Variants in ZCCHC7 observed in about 807,000 individuals in gnomAD.
ZCCHC7 encodes zinc finger CCHC-type containing 7.
Under a neutral mutation model 52.0 loss-of-function variants are expected in ZCCHC7, and 35 were observed. That is an observed-to-expected ratio of 0.67 (90% CI 0.51 to 0.89). The LOEUF (loss-of-function observed/expected upper bound fraction) is 0.89, where lower values mean the gene tolerates loss of function less well. Ranked by LOEUF, ZCCHC7 falls within the 40% of genes least tolerant of loss-of-function variation. The probability of loss-of-function intolerance (pLI) is 0.00; values close to 1 mark genes in which losing one functional copy is unlikely to be tolerated. For synonymous variants in ZCCHC7, 217 were observed against 221.5 expected, an observed-to-expected ratio of 0.98 and a Z score of 0.18; for missense variants, 574 against 649.1, an observed-to-expected ratio of 0.88 and a Z score of 1.26.
At chr9:37,337,123 T>C (rs1830706215) in intron 6 of ZCCHC7, among the ~76,000 whole-genome samples, 2 of 152,086 alleles carry the variant, frequency 1.3e-5, no homozygotes, top group South Asian at 2.1e-4. Context: ...TTTCTTTATT[T>C]CCCCTAAAAG....
At chr9:37,204,234 A>G (rs1427772343) in intron 2 of ZCCHC7, among the ~76,000 whole-genome samples, 1 of 152,054 alleles carries the variant, frequency 6.6e-6, no homozygotes, top group African/African-American at 2.4e-5. Context: ...AGATTGCAAA[A>G]ATTTTCTCCC....
At chr9:37,287,557 A>C (rs1251687925) in intron 2 of ZCCHC7, among the ~76,000 whole-genome samples, 1 of 152,154 alleles carries the variant, frequency 6.6e-6, no homozygotes, top group Admixed American at 6.5e-5. Context: ...TTATGAATTC[A>C]AGTTAGACGG....
At chr9:37,347,473 TA>T (rs1348590449) in intron 6 of ZCCHC7, among the ~76,000 whole-genome samples, 1 of 152,240 alleles carries the variant, frequency 6.6e-6, no homozygotes, top group African/African-American at 2.4e-5. Context: ...TGCACCAACC[TA>T]ATATACATAC....
intron 2 of ZCCHC7, chr9:37,147,422 A>T (rs1400409130): frequency 6.6e-6 from 1 of 151,990 alleles, no homozygotes; most frequent in Non-Finnish European, 1.5e-5. Context: ...AAAGTGTCTA[A>T]TATTGGCTGA....
chr9:37,135,769 A>G (rs891942976), intron 2 of ZCCHC7, among the ~76,000 whole-genome samples: 7 of 152,224 alleles, frequency 4.6e-5, no homozygotes, highest in African/African-American at 1.7e-4. Context: ...AAACTGAAGT[A>G]AAATTATGGC....
intron 4 of ZCCHC7, 122 bp from the exon 5 acceptor site, chr9:37,305,422 G>C: frequency 8.4e-7 from 1 of 1,187,310 alleles, no homozygotes. Flanking sequence ...TTGTGCTCAG[G>C]ATTCTACCTT....
At chr9:37,240,651 A>G (rs1773171200) in intron 2 of ZCCHC7, among the ~76,000 whole-genome samples, 1 of 152,008 alleles carries the variant, frequency 6.6e-6, no homozygotes, top group Non-Finnish European at 1.5e-5. Context: ...ACTCATTTAA[A>G]TAGGGAAAAT....
intron 2 of ZCCHC7, among the ~76,000 whole-genome samples, chr9:37,192,911 G>C (rs906935804): frequency 5.9e-5 from 9 of 152,114 alleles, no homozygotes; most frequent in Non-Finnish European, 1.3e-4. Flanking sequence ...GCTTTGGGAT[G>C]CTTATTTAGA....
chr9:37,328,946 C>T (rs1357506613), intron 6 of ZCCHC7, among the ~76,000 whole-genome samples: 1 of 151,816 alleles, frequency 6.6e-6, no homozygotes, highest in Admixed American at 6.6e-5. Flanking sequence ...AAGTGTTATA[C>T]CCAAAAATAT....
intron 2 of ZCCHC7, among the ~76,000 whole-genome samples, chr9:37,158,178 G>C (rs1820914605): frequency 6.6e-6 from 1 of 152,168 alleles, no homozygotes; most frequent in African/African-American, 2.4e-5. Context: ...GTTATGTAGA[G>C]ATTTGTTAAG....
At chr9:37,235,240 T>C (rs1378400695) in intron 2 of ZCCHC7, among the ~76,000 whole-genome samples, 1 of 152,204 alleles carries the variant, frequency 6.6e-6, no homozygotes, top group Non-Finnish European at 1.5e-5. Context: ...TTTATACCTA[T>C]TGACTAACCT....
intron 2 of ZCCHC7, among the ~76,000 whole-genome samples, chr9:37,210,677 T>G (rs1824169991): frequency 6.6e-6 from 1 of 152,198 alleles, no homozygotes; most frequent in Admixed American, 6.5e-5. Context: ...TTTTAAAATC[T>G]TATTTCTTAG....
At chr9:37,257,825 C>G (rs1246415642) in intron 2 of ZCCHC7, among the ~76,000 whole-genome samples, 1 of 152,142 alleles carries the variant, frequency 6.6e-6, no homozygotes, top group Non-Finnish European at 1.5e-5. Flanking sequence ...TTCCTGAGCC[C>G]TCACTAGAAG....
At chr9:37,243,038 C>T (rs1825939863) in intron 2 of ZCCHC7, among the ~76,000 whole-genome samples, 1 of 151,642 alleles carries the variant, frequency 6.6e-6, no homozygotes, top group African/African-American at 2.4e-5. Flanking sequence ...TTTTTAAAAG[C>T]ATATTTCTTT....
intron 2 of ZCCHC7, among the ~76,000 whole-genome samples, chr9:37,142,343 A>C (rs1843264980): frequency 6.6e-6 from 1 of 151,650 alleles, no homozygotes; most frequent in South Asian, 2.1e-4. Context: ...CTTTCTGCAT[A>C]TCTGTTAAGG....
Position 37,305,715 on chromosome 9 carries a change from G to A in ZCCHC7, c.951+1G>A. 1 of 1,613,694 alleles carries A rather than the reference G, an allele frequency of 6.2e-7. No homozygotes were observed. The highest frequency in any genetic ancestry group is 8.5e-7 in the Non-Finnish European group (1 of 1,179,732). On this transcript the variant is annotated splice_donor_variant, in intron 5 of 8. Coordinates refer to ENST00000336755, the MANE Select transcript of ZCCHC7 (RefSeq NM_032226.3). LOFTEE classifies it high-confidence loss of function. ...TCATATGCTAGGCCACTATACAGATGTGAGTATCCTGCATATAACTAATTT... is the reference window on the plus strand; with the variant it reads ...TCATATGCTAGGCCACTATACAGATATGAGTATCCTGCATATAACTAATTT...
chr9:37,126,402 G>C lies in ZCCHC7; in HGVS notation c.70G>C (p.Glu24Gln). The C allele has an allele frequency of 6.2e-7, 1 of 1,614,130 alleles. No individual in the cohort carries two copies. Among genetic ancestry groups the C allele is most frequent in the Middle Eastern group, 1.7e-4 (1 of 6,044 alleles). ...TCTTTATCGAGATGAGTCATCTAGT[G>C]AACTGAGTGTTGATAGTGAGGTGGA... ...DDLYRDESSSELSVDSEVEFQ... is the reference protein window; with the variant it reads ...DDLYRDESSSQLSVDSEVEFQ... Residue 24 changes from glutamate (E) to glutamine (Q), a missense_variant, in exon 2 of 9, where the codon GAA becomes CAA. This residue lies in a region of ZCCHC7 where 403 missense variants were observed against 461.2 expected (regional missense o/e 0.87). Coordinates refer to ENST00000336755, the MANE Select transcript of ZCCHC7 (RefSeq NM_032226.3).
At chr9:37,300,383 T>C (rs1828974486) in intron 2 of ZCCHC7, among the ~76,000 whole-genome samples, 1 of 152,220 alleles carries the variant, frequency 6.6e-6, no homozygotes, top group Non-Finnish European at 1.5e-5. Context: ...GCTTCATACA[T>C]GGATCCTTTG....
chr9:37,250,593 C>T (rs909869927), intron 2 of ZCCHC7, among the ~76,000 whole-genome samples: 5 of 152,274 alleles, frequency 3.3e-5, no homozygotes, highest in South Asian at 4.1e-4. Flanking sequence ...TGAGCCACCA[C>T]GCCTGGCCTC....
Sources: allele counts gnomAD v4.1 joint callset (sites outside exome capture counted in the v4.1 genomes callset), GRCh38; gene constraint gnomAD v4.1.1; regional missense constraint gnomAD v4.1.1; transcripts MANE v1.5; gene names NCBI Gene and HGNC (gene_info 2026-07-23, HGNC 2026-07-21).